DCK: variants seen among roughly 807,000 people sequenced by gnomAD.
The protein encoded by DCK is deoxyadenosine kinase.
A neutral mutation model predicts 38.3 loss-of-function variants in DCK; 23 were observed. The observed-to-expected ratio is 0.60, with a 90% CI of 0.43 to 0.85. The LOEUF (loss-of-function observed/expected upper bound fraction) is 0.85. DCK is among the 40% of genes least tolerant of loss of function. The pLI is 0.00. For missense variants in DCK, 259 were observed against 304.4 expected, an observed-to-expected ratio of 0.85 and a Z score of 1.11; for synonymous variants, 108 against 100.6, an observed-to-expected ratio of 1.07 and a Z score of -0.44.
intron 2 of DCK, among the ~76,000 whole-genome samples, chr4:71,021,321 C>T (rs1000052491): frequency 6.6e-5 from 10 of 151,278 alleles, no homozygotes; most frequent in African/African-American, 9.7e-5. Flanking sequence ...ATGATCCACC[C>T]GCCTCGGCCT....
chr4:71,004,144 G>A (rs528510804), intron 2 of DCK, among the ~76,000 whole-genome samples: 1 of 152,268 alleles, frequency 6.6e-6, no homozygotes, highest in Non-Finnish European at 1.5e-5. Flanking sequence ...GGGTTTTTGC[G>A]TGGTTGTCCT....
intron 2 of DCK, among the ~76,000 whole-genome samples, chr4:71,003,590 A>C (rs886891861): frequency 4.6e-5 from 7 of 152,328 alleles, no homozygotes; most frequent in Non-Finnish European, 8.8e-5. Context: ...CAGGTATACC[A>C]GTCAAACGTA....
chr4:71,026,562 GACA>G lies in DCK; in HGVS notation c.666-99_666-97del. The G allele has an allele frequency of 5.8e-6, 4 of 688,980 alleles. No individual in the cohort carries two copies. The South Asian group carries it at 6.6e-5, about 11-fold the overall frequency. 42.7% of individuals were successfully genotyped at this position (688,980 alleles called of 1,614,324 possible). A position where few individuals can be genotyped will look rare whatever the true frequency, so the allele number is the denominator to read the frequency against. On this transcript the variant is annotated intron_variant, in intron 5 of 6. Transcript: ENST00000286648. ...CAAAGTAACTTTAGTGTAAATGATTGACAACATTTTGATTTTCCAAGGACATAC... is the reference window on the plus strand; with the variant it reads ...CAAAGTAACTTTAGTGTAAATGATTGACATTTTGATTTTCCAAGGACATAC...
At chr4:70,993,954 C>G (rs749423580) in intron 1 of DCK, 28 bp downstream of exon 1, 2 of 1,528,942 alleles carry the variant, frequency 1.3e-6, no homozygotes, top group Non-Finnish European at 1.8e-6. Flanking sequence ...ATGTGGGACG[C>G]AAGGCTGGGG....
chr4:70,998,426 A>G (rs888465624), intron 2 of DCK, among the ~76,000 whole-genome samples: 1 of 152,200 alleles, frequency 6.6e-6, no homozygotes, highest in Non-Finnish European at 1.5e-5. Flanking sequence ...ACAAAAAAAT[A>G]CAAATAATAA....
chr4:71,011,290 A>G (rs1740083994), intron 2 of DCK, among the ~76,000 whole-genome samples: 1 of 129,486 alleles, frequency 7.7e-6, no homozygotes, highest in Non-Finnish European at 1.6e-5. Flanking sequence ...TTAGTAAGTC[A>G]TTCTTGAAAA....
intron 2 of DCK, among the ~76,000 whole-genome samples, chr4:71,011,903 C>G (rs1284908769): frequency 1.3e-5 from 2 of 152,092 alleles, no homozygotes; most frequent in African/African-American, 4.8e-5. Flanking sequence ...AAATGTTATT[C>G]ATAATCCTAC....
intron 4 of DCK, 74 bp from the exon 5 acceptor site, chr4:71,025,742 G>T: frequency 1.4e-6 from 2 of 1,479,794 alleles, no homozygotes; most frequent in Non-Finnish European, 1.8e-6. Flanking sequence ...ACACAGAAAA[G>T]AAAATTTTGA....
At chr4:71,016,183 G>C (rs1363196193) in intron 2 of DCK, among the ~76,000 whole-genome samples, 1 of 152,008 alleles carries the variant, frequency 6.6e-6, no homozygotes, top group Non-Finnish European at 1.5e-5. Context: ...CCCATTCACA[G>C]TTGCTTCAAA....
chr4:71,015,213 C>T (rs1178470062), intron 2 of DCK, among the ~76,000 whole-genome samples: 1 of 152,186 alleles, frequency 6.6e-6, no homozygotes, highest in African/African-American at 2.4e-5. Context: ...GACACATACA[C>T]TGTCACAAGA....
chr4:70,996,204 C>CA (rs36018698), intron 1 of DCK, among the ~76,000 whole-genome samples: 76 of 133,032 alleles, frequency 5.7e-4, no homozygotes, highest in East Asian at 2.6e-3. Flanking sequence ...GACAGAGTCT[C>CA]AAAAAAAAAA....
At chr4:71,003,335 C>T (rs1739858452) in intron 2 of DCK, among the ~76,000 whole-genome samples, 1 of 152,218 alleles carries the variant, frequency 6.6e-6, no homozygotes, top group Admixed American at 6.5e-5. Flanking sequence ...TGCTGTTAGT[C>T]TGATGGGCTT....
chr4:71,012,696 G>T (rs1318343551), intron 2 of DCK, among the ~76,000 whole-genome samples: 1 of 152,246 alleles, frequency 6.6e-6, no homozygotes, highest in East Asian at 1.9e-4. Context: ...CAGACCAGCA[G>T]CTGAGGGTCC....
chr4:71,003,173 A>G (rs772440850), intron 2 of DCK, among the ~76,000 whole-genome samples: 1 of 151,960 alleles, frequency 6.6e-6, no homozygotes, highest in African/African-American at 2.4e-5. Flanking sequence ...ATCCCTCTAC[A>G]TTTGCCTGTC....
intron 2 of DCK, among the ~76,000 whole-genome samples, chr4:71,000,566 T>C (rs1481141465): frequency 6.6e-6 from 1 of 152,178 alleles, no homozygotes; most frequent in Non-Finnish European, 1.5e-5. Flanking sequence ...AGAAAGTCAA[T>C]GGTAGCTTGA....
rs1201543797 is a variant in DCK at position 70,993,799 on chromosome 4, T to C, written c.-37T>C. ...ACCCGTGGCCGCCTCCCAGCCCTCT[T>C]TGCCGGACGAGCTCTGGGCCGCCAC... is the stretch of plus-strand genomic sequence containing the variant. On this transcript the variant is annotated 5_prime_UTR_variant, in exon 1 of 7. Coordinates refer to ENST00000286648, the MANE Select transcript of DCK (RefSeq NM_000788.3). The C allele has an allele frequency of 1.3e-6, 2 of 1,518,134 alleles. No homozygotes were observed. Among genetic ancestry groups the C allele is most frequent in the Non-Finnish European group, 1.8e-6 (2 of 1,098,578 alleles). The allele number at this position is 1,518,134 out of a possible 1,614,324, so 94.0% of individuals were successfully genotyped here.
In DCK at chr4:71,010,638, C is replaced by A. The variant is rs191826141; in HGVS notation, c.208-11729C>A. The stretch of plus-strand genomic sequence containing the variant: ...TTTTATATTATATTTATATATAAAT[C>A]ATATGTAATGTAAATTATATACATA... On this transcript the variant is annotated intron_variant, in intron 2 of 6. Transcript: ENST00000286648. Among the ~76,000 whole-genome samples, 545 of 146,028 alleles carry A rather than the reference C, an allele frequency of 3.7e-3. 5 individuals carry two copies. The highest frequency in any genetic ancestry group is 0.013 in the African/African-American group (525 of 40,384).
At chr4:71,018,954 G>C (rs1236940933) in intron 2 of DCK, among the ~76,000 whole-genome samples, 1 of 152,116 alleles carries the variant, frequency 6.6e-6, no homozygotes, top group African/African-American at 2.4e-5. Context: ...TTACAGGCCT[G>C]AGCTGCCTCA....
intron 6 of DCK, among the ~76,000 whole-genome samples, chr4:71,029,071 T>C (rs1477612710): frequency 6.6e-6 from 1 of 152,194 alleles, no homozygotes; most frequent in East Asian, 1.9e-4. Context: ...TTTGTGTTTT[T>C]AGTAGAGATG....
Sources: gnomAD v4.1 joint callset for allele counts (sites outside exome capture counted in the v4.1 genomes callset) on GRCh38, gnomAD v4.1.1 for gene constraint, MANE v1.5 for transcripts, NCBI Gene and HGNC (gene_info 2026-07-23, HGNC 2026-07-21) for gene names.